SETD5: variants seen among roughly 807,000 people sequenced by gnomAD.
The protein encoded by SETD5 is histone-lysine N-methyltransferase SETD5.
Under a neutral mutation model 153.3 loss-of-function variants are expected in SETD5, and 44 were observed. The observed-to-expected ratio is 0.29, with a 90% CI of 0.23 to 0.37. The LOEUF (loss-of-function observed/expected upper bound fraction) is 0.37, where lower values mean the gene tolerates loss of function less well. Ranked by LOEUF, SETD5 falls within the 10% of genes least tolerant of loss-of-function variation. SETD5 has a pLI of 1.00. For missense variants in SETD5, 1,544 were observed against 1,768.0 expected, an observed-to-expected ratio of 0.87 and a Z score of 2.27; for synonymous variants, 716 against 645.2, an observed-to-expected ratio of 1.11 and a Z score of -1.66.
At chr3:9,471,685 C>T (rs1312436440) in intron 19 of SETD5, among the ~76,000 whole-genome samples, 1 of 152,150 alleles carries the variant, frequency 6.6e-6, no homozygotes, top group Non-Finnish European at 1.5e-5. Flanking sequence ...CAAGAAGTCA[C>T]AAAGCCAAAA....
rs3915844 is a variant in SETD5, at chr3:9,473,172, G to A, written c.3196-64G>A. On this transcript the variant is annotated intron_variant, in intron 19 of 22. Coordinates refer to ENST00000402198, the MANE Select transcript of SETD5 (RefSeq NM_001080517.3). ...CATCTTTCCTTCTTTCCCTGTTGCT[G>A]GTGATCCACTAATGATATCCAGATA... 0.15 allele frequency: 232,723 copies of A among 1,520,524 alleles called. 23,021 individuals carry two copies. The highest frequency in any genetic ancestry group is 0.49 in the African/African-American group (35,320 of 72,324). The allele number at this position is 1,520,524 out of a possible 1,614,324, so 94.2% of individuals were successfully genotyped here. A position where few individuals can be genotyped will look rare whatever the true frequency, so the allele number is the denominator to read the frequency against.
chr3:9,445,292 G>A lies in SETD5; in HGVS notation c.1432G>A (p.Asp478Asn). 1.2e-6 allele frequency: 2 copies of A among 1,603,736 alleles called. No individual in the cohort carries two copies. Among genetic ancestry groups the A allele is most frequent in the Non-Finnish European group, 1.7e-6 (2 of 1,174,670 alleles). The change falls in exon 12 of 23, where the codon GAT becomes AAT. Residue 478 changes from aspartate to asparagine, a missense_variant. Around this residue, in one of 9 missense-constraint regions of SETD5, gnomAD observed 782 missense variants for 787.2 expected, o/e 0.99. Coordinates refer to ENST00000402198, the MANE Select transcript of SETD5 (RefSeq NM_001080517.3). ...TCCAGAAAAAGTAACTGTATCCAGT[G>A]ATCATGAGGTAATCGCCCCTGGTCA... ...EVPEKVTVSS[D>N]HEEVDNPEEK...
rs6804149 is a variant in SETD5, at chr3:9,445,009, G to T, written c.1188-39G>T. 4.9e-3 allele frequency: 7,863 copies of T among 1,592,652 alleles called. 309 individuals are homozygous for T. The African/African-American group carries it at 0.09, about 18-fold the overall frequency. On this transcript the variant is annotated intron_variant, in intron 11 of 22. Coordinates refer to ENST00000402198, the MANE Select transcript of SETD5 (RefSeq NM_001080517.3). ...ATGGATAATGTAACTGAATTTCAAG[G>T]GTACTGAGACAGGCATTTTGGTTGT...
chr3:9,475,169 A>G lies in SETD5; in HGVS notation c.3720+13A>G. 2 of 1,569,522 alleles carry G rather than the reference A, an allele frequency of 1.3e-6. No individual in the cohort carries two copies. Among genetic ancestry groups the G allele is most frequent in the South Asian group, 1.2e-5 (1 of 84,992 alleles). ...ATACAGCTACCAGGTGAGATGAGAA[A>G]TTGCTGGTCTCTAGCCATAGGAGTG... is the stretch of plus-strand genomic sequence containing the variant. On this transcript the variant is annotated intron_variant, in intron 22 of 22. Transcript: ENST00000402198.
chr3:9,404,322 A>G (rs2035315906), intron 1 of SETD5, among the ~76,000 whole-genome samples: 1 of 119,616 alleles, frequency 8.4e-6, no homozygotes, highest in South Asian at 2.3e-4. Context: ...TCTCTCTGTT[A>G]AAGAAAACTG....
intron 10 of SETD5, chr3:9,442,929 A>C (rs186400203): frequency 9.0e-4 from 167 of 184,564 alleles, no homozygotes; most frequent in Admixed American, 2.8e-3. Flanking sequence ...ATTCCCAGGT[A>C]CTCAGGAGGC....
intron 18 of SETD5, among the ~76,000 whole-genome samples, chr3:9,466,588 A>G (rs1353382532): frequency 1.3e-5 from 2 of 152,176 alleles, no homozygotes; most frequent in Admixed American, 1.3e-4. Context: ...TCAATAATAG[A>G]ACAGATTTCA....
chr3:9,430,894 T>C (rs1406973256), intron 3 of SETD5: 1 of 985,336 alleles, frequency 1.0e-6, no homozygotes, highest in Non-Finnish European at 1.2e-6. Flanking sequence ...AACATTTTCA[T>C]TCATGATCTC....
At chr3:9,464,697 G>T (rs1011465907) in intron 18 of SETD5, 25 bp downstream of exon 18, 2 of 1,613,968 alleles carry the variant, frequency 1.2e-6, no homozygotes, top group Non-Finnish European at 1.7e-6. Flanking sequence ...GTTGCTGGGA[G>T]TGCTGGATAT....
chr3:9,399,586 T>C (rs2034413451), intron 1 of SETD5, among the ~76,000 whole-genome samples: 1 of 152,188 alleles, frequency 6.6e-6, no homozygotes, highest in South Asian at 2.1e-4. Context: ...TGGTAGGACA[T>C]GACACAAGGC....
chr3:9,461,602 A>C (rs746215544), intron 17 of SETD5, among the ~76,000 whole-genome samples: 4 of 152,308 alleles, frequency 2.6e-5, no homozygotes, highest in African/African-American at 7.2e-5. Context: ...TAGGCAAATG[A>C]CTTGGCTTTC....
intron 17 of SETD5, among the ~76,000 whole-genome samples, chr3:9,464,118 G>C (rs2044291162): frequency 1.3e-5 from 2 of 152,110 alleles, no homozygotes; most frequent in African/African-American, 2.4e-5. Flanking sequence ...ACAGAGCAAG[G>C]CTCTGTCTCA....
intron 1 of SETD5, among the ~76,000 whole-genome samples, chr3:9,411,159 T>C (rs977551042): frequency 1.3e-5 from 2 of 152,106 alleles, no homozygotes; most frequent in Admixed American, 6.5e-5. Flanking sequence ...TTCTCTCTCT[T>C]GAAATGCCAG....
At position 9,448,553 on chromosome 3, in the gene SETD5, C is replaced by T. The variant is rs1356644705; in HGVS notation, c.2269C>T (p.Arg757Cys). Residue 757 changes from arginine to cysteine, a missense_variant, in exon 16 of 23, where the codon CGC becomes TGC. Physicochemically the swap from Arg to Cys is radical, Grantham distance 180. This residue lies in a region of SETD5 where 782 missense variants were observed against 787.2 expected (regional missense o/e 0.99). Coordinates refer to ENST00000402198, the MANE Select transcript of SETD5 (RefSeq NM_001080517.3). ...TTGCACCACCCCCAAACACTACATTCGCTTTGGCTCACCCTTTATCCCTGA... is the reference window on the plus strand; with the variant it reads ...TTGCACCACCCCCAAACACTACATTTGCTTTGGCTCACCCTTTATCCCTGA... ...LICTTPKHYI[R>C]FGSPFIPERR... is the part of the protein sequence containing the mutation. 7.4e-6 allele frequency: 12 copies of T among 1,613,730 alleles called. No individual in the cohort carries two copies. The highest frequency in any genetic ancestry group is 1.1e-5 in the South Asian group (1 of 91,050).
chr3:9,466,209 A>G (rs1354798184), intron 18 of SETD5, among the ~76,000 whole-genome samples: 2 of 148,778 alleles, frequency 1.3e-5, no homozygotes, highest in African/African-American at 2.5e-5. Flanking sequence ...AATGGCGTGA[A>G]CCCGGGAGGC....
intron 1 of SETD5, among the ~76,000 whole-genome samples, chr3:9,408,809 G>T (rs1168142507): frequency 9.2e-5 from 14 of 152,098 alleles, no homozygotes; most frequent in Non-Finnish European, 2.9e-5. Flanking sequence ...GCTTTTGTTT[G>T]TGTGAATTAT....
chr3:9,470,476 C>G lies in SETD5; in HGVS notation c.2742C>G (p.Asp914Glu). ...TCTTTCAGCTTTGTCACCGAAAAGA[C>G]CTGGATTTGGCAAAAGTAGGATACC... is the stretch of plus-strand genomic sequence containing the variant. Reference protein sequence around the residue: ...PLQFELCHRKDLDLAKVGYLD... With the variant: ...PLQFELCHRKELDLAKVGYLD... Residue 914 changes from aspartate to glutamate, a missense_variant, in exon 19 of 23, where the codon GAC (aspartate) becomes GAG (glutamate). Asp to Glu is a conservative substitution (Grantham distance 45, BLOSUM62 2). This residue lies in a region of SETD5 where 782 missense variants were observed against 787.2 expected (regional missense o/e 0.99). Transcript: ENST00000402198. The G allele has an allele frequency of 6.2e-7, 1 of 1,611,158 alleles. No individual in the cohort carries two copies. The highest frequency in any genetic ancestry group is 8.5e-7 in the Non-Finnish European group (1 of 1,177,720).
intron 17 of SETD5, among the ~76,000 whole-genome samples, chr3:9,459,247 A>G (rs1463659013): frequency 2.6e-5 from 4 of 152,214 alleles, no homozygotes; most frequent in Non-Finnish European, 5.9e-5. Flanking sequence ...GTTATTAACA[A>G]TTGCAAAAAC....
chr3:9,437,832 A>G (rs1575404997), intron 7 of SETD5, among the ~76,000 whole-genome samples: 1 of 151,890 alleles, frequency 6.6e-6, no homozygotes, highest in Admixed American at 6.6e-5. Context: ...GTGAAACCCC[A>G]TCTCTACTAA....
Sources: gnomAD v4.1 joint callset for allele counts (sites outside exome capture counted in the v4.1 genomes callset) on GRCh38, gnomAD v4.1.1 for gene constraint, gnomAD v4.1.1 regional missense constraint, MANE v1.5 for transcripts, NCBI Gene and HGNC (gene_info 2026-07-23, HGNC 2026-07-21) for gene names.